MSRA: variants seen among roughly 807,000 people sequenced by gnomAD.
The protein encoded by MSRA is methionine sulfoxide reductase A.
In MSRA, 54 loss-of-function variants were observed where a neutral mutation model predicts 31.3. That is an observed-to-expected ratio of 1.73 (90% CI 1.39 to 2.17). The LOEUF is 2.17. Among genes scored for constraint, MSRA ranks in the 30% most tolerant of loss-of-function variants. MSRA has a pLI of 0.00. For missense variants in MSRA, 507 were observed against 300.9 expected, an observed-to-expected ratio of 1.69 and a Z score of -5.07; for synonymous variants, 169 against 116.5, an observed-to-expected ratio of 1.45 and a Z score of -2.90.
chr8:10,232,261 T>G (rs1811557107), intron 2 of MSRA, among the ~76,000 whole-genome samples: 1 of 152,240 alleles, frequency 6.6e-6, no homozygotes, highest in African/African-American at 2.4e-5. Flanking sequence ...AGCCTCCCTG[T>G]TGGTTTCCAC....
At chr8:10,216,423 A>G (rs898698983) in intron 2 of MSRA, among the ~76,000 whole-genome samples, 3 of 148,396 alleles carry the variant, frequency 2.0e-5, no homozygotes, top group African/African-American at 7.5e-5. Context: ...TAACAGATAC[A>G]TAATATGAAA....
At chr8:10,114,788 T>C (rs1800558103) in intron 1 of MSRA, among the ~76,000 whole-genome samples, 2 of 152,194 alleles carry the variant, frequency 1.3e-5, no homozygotes, top group Admixed American at 1.3e-4. Flanking sequence ...AAAGACTCAA[T>C]ATTGTAAAGA....
rs555347862 is a variant in MSRA, at chr8:10,398,583, C to G, written c.544-29565C>G. Among the ~76,000 whole-genome samples the G allele has an allele frequency of 9.8e-5, 15 of 152,310 alleles. No homozygotes were observed. In the South Asian group the frequency reaches 2.1e-3, roughly 21 times the overall value. ...ACTGGACAGTGGCAGGTGCCCCACG[C>G]TCTGTGCTGGGGAGATGCTGCCTGC... On this transcript the variant is annotated intron_variant, in intron 5 of 5. Transcript: ENST00000317173.
At chr8:10,420,016 C>G (rs764750716) in intron 5 of MSRA, among the ~76,000 whole-genome samples, 53 of 152,268 alleles carry the variant, frequency 3.5e-4, no homozygotes, top group Middle Eastern at 6.8e-3. Context: ...GTGTGCTTGT[C>G]ATGTTCCCAG....
intron 5 of MSRA, among the ~76,000 whole-genome samples, chr8:10,420,837 C>T (rs767630217): frequency 1.6e-4 from 25 of 151,714 alleles, no homozygotes; most frequent in Non-Finnish European, 3.4e-4. Flanking sequence ...CACAACTGTA[C>T]ACTTAAAAAT....
chr8:10,372,034 A>G (rs1585611498), intron 5 of MSRA, among the ~76,000 whole-genome samples: 1 of 152,260 alleles, frequency 6.6e-6, no homozygotes, highest in Non-Finnish European at 1.5e-5. Context: ...TGTTGATGCC[A>G]TATAATCTTA....
intron 3 of MSRA, among the ~76,000 whole-genome samples, chr8:10,255,385 A>AG (rs1798123494): frequency 6.6e-6 from 1 of 152,212 alleles, no homozygotes; most frequent in African/African-American, 2.4e-5. Context: ...TACAGGTCCC[A>AG]GGTTTTGCAG....
Position 10,262,993 on chromosome 8 carries a change from C to T in MSRA, c.331+17770C>T, listed in dbSNP as rs545398186. Among the ~76,000 whole-genome samples the T allele has an allele frequency of 1.6e-4, 25 of 152,356 alleles. 1 individual carries two copies. In the East Asian group the frequency reaches 4.8e-3, roughly 29 times the overall value. On this transcript the variant is annotated intron_variant, in intron 3 of 5. Transcript: ENST00000317173. The stretch of plus-strand genomic sequence containing the variant: ...CTGGTCCCTTGACTTCCTGCAAGTT[C>T]TGTTACCTGACTGTGGCCATCCACC...
chr8:10,368,140 C>G (rs1805273548), intron 5 of MSRA, among the ~76,000 whole-genome samples: 1 of 152,226 alleles, frequency 6.6e-6, no homozygotes, highest in Non-Finnish European at 1.5e-5. Flanking sequence ...GGGTACCTCG[C>G]TGATCCAGAT....
rs921148065 is a variant in MSRA at position 10,401,609 on chromosome 8, G to C, written c.544-26539G>C. ...AGCAGGGATTCAAACCTGTACACCT[G>C]TGTTCTTAGCAGTATTATTTACAAT... On this transcript the variant is annotated intron_variant, in intron 5 of 5. Coordinates refer to ENST00000317173, the MANE Select transcript of MSRA (RefSeq NM_012331.5). 4.4e-4 allele frequency among the ~76,000 whole-genome samples: 67 copies of C among 152,246 alleles called. 1 individual carries two copies. Among genetic ancestry groups the C allele is most frequent in the African/African-American group, 1.6e-3 (66 of 41,540 alleles).
chr8:10,106,688 G>C (rs903516501), intron 1 of MSRA, among the ~76,000 whole-genome samples: 10 of 152,164 alleles, frequency 6.6e-5, no homozygotes, highest in Non-Finnish European at 1.2e-4. Context: ...TGTGCTTCTT[G>C]TGATTTCACA....
intron 5 of MSRA, among the ~76,000 whole-genome samples, chr8:10,321,706 G>A (rs1024913856): frequency 6.6e-6 from 1 of 152,172 alleles, no homozygotes; most frequent in Non-Finnish European, 1.5e-5. Flanking sequence ...GAGATGGTAG[G>A]GGAAGCCAGT....
At chr8:10,123,091 C>G (rs1039956629) in intron 1 of MSRA, among the ~76,000 whole-genome samples, 7 of 152,204 alleles carry the variant, frequency 4.6e-5, no homozygotes, top group Admixed American at 1.3e-4. Context: ...GTTTTTAGCT[C>G]TTCGAGGAAT....
intron 1 of MSRA, among the ~76,000 whole-genome samples, chr8:10,184,273 C>T (rs1019804247): frequency 9.9e-5 from 15 of 151,616 alleles, no homozygotes; most frequent in East Asian, 1.9e-4. Flanking sequence ...GAGCAGTTCC[C>T]TCACTGCTCT....
chr8:10,371,694 A>C (rs1170723904), intron 5 of MSRA, among the ~76,000 whole-genome samples: 1 of 151,482 alleles, frequency 6.6e-6, no homozygotes, highest in Non-Finnish European at 1.5e-5. Flanking sequence ...TTGCCTCAGT[A>C]CCTCTGTGCC....
chr8:10,296,411 C>A (rs1002810330), intron 3 of MSRA, among the ~76,000 whole-genome samples: 3 of 152,136 alleles, frequency 2.0e-5, no homozygotes, highest in African/African-American at 4.8e-5. Context: ...CAAATACTTT[C>A]CCACAGATGA....
intron 1 of MSRA, among the ~76,000 whole-genome samples, chr8:10,152,348 T>A (rs1803763772): frequency 6.6e-6 from 1 of 152,238 alleles, no homozygotes; most frequent in South Asian, 2.1e-4. Context: ...AAGGAGTTTG[T>A]TTTTATGACT....
At chr8:10,337,479 A>C (rs1803127344) in intron 5 of MSRA, 5 of 516,606 alleles carry the variant, frequency 9.7e-6, no homozygotes, top group Middle Eastern at 5.3e-4. Context: ...ACGCCCGGCC[A>C]AGCCTATGTC....
intron 1 of MSRA, among the ~76,000 whole-genome samples, chr8:10,141,817 T>TGTCAGGTGAAATGGGTTC (rs555091368): frequency 1.2e-4 from 18 of 152,310 alleles, no homozygotes; most frequent in African/African-American, 4.3e-4. Context: ...CAGCAGGTTT[T>TGTCAGGTGAAATGGGTTC]TTGCCAGGTG....
Sources: allele counts gnomAD v4.1 joint callset (sites outside exome capture counted in the v4.1 genomes callset), GRCh38; gene constraint gnomAD v4.1.1; transcripts MANE v1.5; gene names NCBI Gene and HGNC (gene_info 2026-07-23, HGNC 2026-07-21).